Variants in RPS6KA5 observed in about 807,000 individuals in gnomAD.
RPS6KA5 encodes the protein ribosomal protein S6 kinase alpha-5.
In RPS6KA5, 27 loss-of-function variants were observed where a neutral mutation model predicts 85.5. The observed-to-expected ratio is 0.32, with a 90% CI of 0.23 to 0.44. RPS6KA5 has a LOEUF of 0.44. Ranked by LOEUF, RPS6KA5 falls within the 20% of genes least tolerant of loss-of-function variation. The pLI, the probability that RPS6KA5 is intolerant of heterozygous loss-of-function variation, is 1.00. For missense variants in RPS6KA5, 811 were observed against 980.9 expected (o/e 0.83, Z 2.31); for synonymous variants, 334 against 348.2 (o/e 0.96, Z 0.46).
chr14:90,983,805 C>G (rs1001556664), intron 2 of RPS6KA5, among the ~76,000 whole-genome samples: 5 of 125,240 alleles, frequency 4.0e-5, no homozygotes, highest in South Asian at 2.7e-4. Context: ...CTCTCTCTCT[C>G]TCTCTCTCTC....
chr14:90,925,084 G>A (rs1306046263), intron 5 of RPS6KA5, among the ~76,000 whole-genome samples: 4 of 152,078 alleles, frequency 2.6e-5, no homozygotes, highest in Admixed American at 6.6e-5. Flanking sequence ...ACTGGTAATC[G>A]CCAAAGACCG....
chr14:91,042,384 C>T (rs558499745), intron 1 of RPS6KA5, among the ~76,000 whole-genome samples: 24 of 148,256 alleles, frequency 1.6e-4, no homozygotes, highest in African/African-American at 5.5e-4. Flanking sequence ...TGGTGGCACG[C>T]GCCTGTAATC....
chr14:90,877,424 C>G (rs1055792376), intron 14 of RPS6KA5, among the ~76,000 whole-genome samples: 1 of 152,208 alleles, frequency 6.6e-6, no homozygotes. Context: ...CCAAGATTAA[C>G]TGGAGTCTCA....
rs1025975896 is a variant in RPS6KA5, at chr14:90,854,596, C to A, written c.*17478G>T. 1.3e-5 allele frequency: 2 copies of A among 152,092 alleles called. No individual in the cohort carries two copies. Among genetic ancestry groups the A allele is most frequent in the African/African-American group, 4.8e-5 (2 of 41,424 alleles). The allele number at this position is 152,092 out of a possible 1,614,324, so 9.4% of individuals were successfully genotyped here. A position where few individuals can be genotyped will look rare whatever the true frequency, so the allele number is the denominator to read the frequency against. ...AACACTAGATTCCACAGCAAGGACA[C>A]TGGAATTTAAAAATCTGGAATACTT... On this transcript the variant is annotated 3_prime_UTR_variant, in exon 17 of 17. Transcript: ENST00000614987.
At chr14:90,969,874 G>A (rs2039241707) in intron 3 of RPS6KA5, among the ~76,000 whole-genome samples, 3 of 151,364 alleles carry the variant, frequency 2.0e-5, no homozygotes. Context: ...CTCTCTCTCT[G>A]CACTGTTACT....
intron 5 of RPS6KA5, among the ~76,000 whole-genome samples, chr14:90,933,683 C>A (rs55930501): frequency 6.6e-6 from 1 of 152,154 alleles, no homozygotes; most frequent in Admixed American, 6.5e-5. Context: ...CTACTCAAAA[C>A]TCCCCAGTGG....
intron 1 of RPS6KA5, among the ~76,000 whole-genome samples, chr14:91,009,441 G>A (rs995154719): frequency 1.3e-5 from 2 of 152,112 alleles, no homozygotes; most frequent in East Asian, 1.9e-4. Context: ...AATAGAGACC[G>A]AGTCTCACTA....
rs1450059639 is a variant in RPS6KA5 at position 90,848,879 on chromosome 14, G to C, written c.*23195C>G. The stretch of plus-strand genomic sequence containing the variant: ...TCCCTTATACTTTGTAACATTTTCT[G>C]CTTCCTTCTTAAAAACCTAGGGGGA... On this transcript the variant is annotated 3_prime_UTR_variant, in exon 17 of 17. Transcript: ENST00000614987. 6.6e-6 allele frequency: 1 copy of C among 152,018 alleles called. No individual in the cohort carries two copies. Among genetic ancestry groups the C allele is most frequent in the Non-Finnish European group, 1.5e-5 (1 of 68,016 alleles). 9.4% of individuals were successfully genotyped at this position (152,018 alleles called of 1,614,324 possible). A position where few individuals can be genotyped will look rare whatever the true frequency, so the allele number is the denominator to read the frequency against.
At chr14:90,900,530 C>T in intron 10 of RPS6KA5, 81 bp downstream of exon 10, 10 of 1,417,492 alleles carry the variant, frequency 7.1e-6, no homozygotes, top group Non-Finnish European at 8.6e-6. Flanking sequence ...AATTACTAGA[C>T]TTAAGAACAT....
At chr14:90,958,212 T>C (rs563657591) in intron 3 of RPS6KA5, among the ~76,000 whole-genome samples, 2 of 152,268 alleles carry the variant, frequency 1.3e-5, no homozygotes, top group East Asian at 3.9e-4. Context: ...TATATTTGCA[T>C]AGGAATTTTA....
intron 1 of RPS6KA5, among the ~76,000 whole-genome samples, chr14:91,018,635 G>T (rs2041606778): frequency 6.6e-6 from 1 of 152,104 alleles, no homozygotes; most frequent in African/African-American, 2.4e-5. Flanking sequence ...CAGGTTCTTT[G>T]GTCTTTGGAC....
At chr14:91,031,897 T>C (rs2042201104) in intron 1 of RPS6KA5, among the ~76,000 whole-genome samples, 1 of 152,166 alleles carries the variant, frequency 6.6e-6, no homozygotes, top group Non-Finnish European at 1.5e-5. Flanking sequence ...TTGAAATTGG[T>C]AGAAAATATT....
intron 9 of RPS6KA5, among the ~76,000 whole-genome samples, chr14:90,902,376 C>T (rs755791733): frequency 6.6e-6 from 1 of 151,550 alleles, no homozygotes; most frequent in Non-Finnish European, 1.5e-5. Context: ...TCTCAGCTAT[C>T]CCAGAGGCTA....
rs1349515251 is a variant in RPS6KA5 at position 90,850,896 on chromosome 14, ACT to A, written c.*21176_*21177del. On this transcript the variant is annotated 3_prime_UTR_variant, in exon 17 of 17. Coordinates refer to ENST00000614987, the MANE Select transcript of RPS6KA5 (RefSeq NM_004755.4). Reference sequence around the variant, plus strand: ...GCACAATGATATATTTTAAACCCACACTCAGACCGACAGTGTACACCATAAAT... The same window carrying A: ...GCACAATGATATATTTTAAACCCACACAGACCGACAGTGTACACCATAAAT... 3 of 152,156 alleles carry A rather than the reference ACT, an allele frequency of 2.0e-5. No individual in the cohort carries two copies. The highest frequency in any genetic ancestry group is 7.2e-5 in the African/African-American group (3 of 41,422). The allele number at this position is 152,156 out of a possible 1,614,324, so 9.4% of individuals were successfully genotyped here.
intron 2 of RPS6KA5, among the ~76,000 whole-genome samples, chr14:90,989,253 A>G (rs1423951122): frequency 6.6e-6 from 1 of 152,166 alleles, no homozygotes; most frequent in East Asian, 1.9e-4. Flanking sequence ...GGGCTCACAG[A>G]GTTCATATGA....
intron 1 of RPS6KA5, among the ~76,000 whole-genome samples, chr14:91,030,121 C>A (rs1692438072): frequency 6.6e-6 from 1 of 152,118 alleles, no homozygotes; most frequent in African/African-American, 2.4e-5. Flanking sequence ...TATAGAAGCA[C>A]CTGTAATCAC....
Position 90,848,871 on chromosome 14 carries a change from C to T in RPS6KA5, c.*23203G>A, listed in dbSNP as rs1039023778. ...TCATAGAATCCCTTATACTTTGTAA[C>T]ATTTTCTGCTTCCTTCTTAAAAACC... is the stretch of plus-strand genomic sequence containing the variant. On this transcript the variant is annotated 3_prime_UTR_variant, in exon 17 of 17. Coordinates refer to ENST00000614987, the MANE Select transcript of RPS6KA5 (RefSeq NM_004755.4). 1 of 152,100 alleles carries T rather than the reference C, an allele frequency of 6.6e-6. No homozygotes were observed. The highest frequency in any genetic ancestry group is 1.5e-5 in the Non-Finnish European group (1 of 68,032). 9.4% of individuals were successfully genotyped at this position (152,100 alleles called of 1,614,324 possible).
At chr14:91,031,661 G>A (rs1355689041) in intron 1 of RPS6KA5, among the ~76,000 whole-genome samples, 1 of 152,018 alleles carries the variant, frequency 6.6e-6, no homozygotes, top group Non-Finnish European at 1.5e-5. Context: ...AGAAAGCTAA[G>A]TGAATGAAAA....
chr14:90,955,554 T>C (rs2038456833), intron 3 of RPS6KA5, among the ~76,000 whole-genome samples: 1 of 152,220 alleles, frequency 6.6e-6, no homozygotes, highest in Non-Finnish European at 1.5e-5. Context: ...GTTGTGAATA[T>C]CCCAAATTTC....
Sources: gnomAD v4.1 joint callset for allele counts (sites outside exome capture counted in the v4.1 genomes callset) on GRCh38, gnomAD v4.1.1 for gene constraint, MANE v1.5 for transcripts, NCBI Gene and HGNC (gene_info 2026-07-23, HGNC 2026-07-21) for gene names.